Variants in CNST observed in about 807,000 individuals in gnomAD.
CNST encodes consortin.
Under a neutral mutation model 72.4 loss-of-function variants are expected in CNST, and 39 were observed. That is an observed-to-expected ratio of 0.54 (90% CI 0.42 to 0.70). The LOEUF (loss-of-function observed/expected upper bound fraction) is 0.70, where lower values mean the gene tolerates loss of function less well. Among genes scored for constraint, CNST ranks in the 30% least tolerant of loss-of-function variants. The pLI is 0.00. For synonymous variants in CNST, 332 were observed against 320.1 expected, an observed-to-expected ratio of 1.04 and a Z score of -0.40; for missense variants, 871 against 868.5, an observed-to-expected ratio of 1.00 and a Z score of -0.04.
At chr1:246,610,742 C>T (rs1663261342) in intron 2 of CNST, among the ~76,000 whole-genome samples, 4 of 152,094 alleles carry the variant, frequency 2.6e-5, no homozygotes, top group African/African-American at 9.7e-5. Context: ...GCCTTCACTT[C>T]TGCTTGCACT....
At chr1:246,586,451 C>T (rs907388442) in intron 1 of CNST, among the ~76,000 whole-genome samples, 34 of 147,834 alleles carry the variant, frequency 2.3e-4, no homozygotes, top group Non-Finnish European at 4.8e-4. Flanking sequence ...CAAGCTATAT[C>T]TTATGTATCT....
intron 8 of CNST, among the ~76,000 whole-genome samples, chr1:246,645,424 C>CTTTTTTTTTTTTT (rs1553384186): frequency 1.9e-5 from 2 of 106,102 alleles, no homozygotes; most frequent in African/African-American, 3.3e-5. Context: ...AAGGTTAAAA[C>CTTTTTTTTTTTTT]TTTTTTTTTT....
chr1:246,666,044 T>C lies in CNST; in HGVS notation c.*139T>C. The C allele has an allele frequency of 1.6e-6, 1 of 624,234 alleles. No homozygotes were observed. The highest frequency in any genetic ancestry group is 2.0e-5 in the South Asian group (1 of 49,874). 38.7% of individuals were successfully genotyped at this position (624,234 alleles called of 1,614,324 possible). ...GGACATCAGAAATAGCAACTTTAAG[T>C]GGCAAGCCGGAGGAACTCTGTTAGA... On this transcript the variant is annotated 3_prime_UTR_variant, in exon 11 of 11. Coordinates refer to ENST00000366513, the MANE Select transcript of CNST (RefSeq NM_152609.3).
intron 2 of CNST, among the ~76,000 whole-genome samples, chr1:246,611,841 A>G (rs1663335656): frequency 6.6e-6 from 1 of 152,234 alleles, no homozygotes; most frequent in Admixed American, 6.5e-5. Flanking sequence ...ATGTCCATCA[A>G]CTGATGAATG....
chr1:246,593,511 T>C (rs1457921145), intron 2 of CNST, among the ~76,000 whole-genome samples: 2 of 152,008 alleles, frequency 1.3e-5, no homozygotes, highest in Non-Finnish European at 2.9e-5. Context: ...CAGCTAATTT[T>C]TTTTGTATTT....
chr1:246,603,526 C>T (rs1342867989), intron 2 of CNST, among the ~76,000 whole-genome samples: 5 of 151,992 alleles, frequency 3.3e-5, no homozygotes, highest in Admixed American at 1.3e-4. Flanking sequence ...AAGTTATATG[C>T]GCCTGCCGCT....
At chr1:246,626,239 C>T (rs1227052762) in intron 3 of CNST, among the ~76,000 whole-genome samples, 3 of 151,716 alleles carry the variant, frequency 2.0e-5, no homozygotes, top group East Asian at 1.9e-4. Flanking sequence ...TTTGTAGAGA[C>T]GGGGTTTCAC....
intron 1 of CNST, chr1:246,569,874 A>C (rs940846726): frequency 2.0e-5 from 18 of 897,502 alleles, no homozygotes; most frequent in Non-Finnish European, 2.3e-5. Context: ...AAGGCACAGT[A>C]TGAGTTTCTG....
intron 2 of CNST, among the ~76,000 whole-genome samples, chr1:246,595,226 G>A (rs1169921582): frequency 6.6e-6 from 1 of 152,076 alleles, no homozygotes; most frequent in Non-Finnish European, 1.5e-5. Flanking sequence ...TTCTAGATGT[G>A]GAAGAGACCT....
At position 246,621,853 on chromosome 1, in the gene CNST, G is replaced by A. The variant is rs570470980; in HGVS notation, c.585+219G>A. On this transcript the variant is annotated intron_variant, in intron 3 of 10. Coordinates refer to ENST00000366513, the MANE Select transcript of CNST (RefSeq NM_152609.3). ...CTACAAAATATACAAAAATTAGCCG[G>A]GCATGGTGGTGCACACCTGTAGTCC... 2.0e-5 allele frequency among the ~76,000 whole-genome samples: 3 copies of A among 152,102 alleles called. No homozygotes were observed. The South Asian group carries it at 6.2e-4, about 32-fold the overall frequency.
intron 1 of CNST, among the ~76,000 whole-genome samples, chr1:246,570,954 C>G (rs949223406): frequency 1.3e-5 from 2 of 152,016 alleles, no homozygotes; most frequent in Non-Finnish European, 2.9e-5. Context: ...TGTAACCTTT[C>G]CAGTTTAGGG....
At chr1:246,649,925 A>G (rs963878747) in intron 9 of CNST, among the ~76,000 whole-genome samples, 2 of 151,348 alleles carry the variant, frequency 1.3e-5, no homozygotes, top group Non-Finnish European at 2.9e-5. Flanking sequence ...AAGATGCACA[A>G]GGGTCTTGTC....
At chr1:246,662,732 A>G (rs1049655695) in intron 10 of CNST, among the ~76,000 whole-genome samples, 1 of 152,210 alleles carries the variant, frequency 6.6e-6, no homozygotes, top group African/African-American at 2.4e-5. Context: ...GTACATAAAA[A>G]TTATTTCAAA....
intron 3 of CNST, among the ~76,000 whole-genome samples, chr1:246,622,353 G>C (rs1031175529): frequency 1.3e-5 from 2 of 152,230 alleles, no homozygotes; most frequent in African/African-American, 4.8e-5. Flanking sequence ...TTCAGTGTTA[G>C]AGTAAACATA....
chr1:246,610,927 G>A (rs750234471), intron 2 of CNST, among the ~76,000 whole-genome samples: 19 of 152,122 alleles, frequency 1.2e-4, no homozygotes, highest in African/African-American at 2.4e-4. Flanking sequence ...TGCCTCAACC[G>A]TATTTTTTTT....
chr1:246,621,690 G>A (rs1664102735), intron 3 of CNST, 56 bp downstream of exon 3: 3 of 1,437,054 alleles, frequency 2.1e-6, no homozygotes, highest in South Asian at 2.3e-5. Context: ...AGCAGTGTTT[G>A]GAATGATCTA....
chr1:246,595,288 T>C (rs965702013), intron 2 of CNST, among the ~76,000 whole-genome samples: 2 of 152,214 alleles, frequency 1.3e-5, no homozygotes, highest in Non-Finnish European at 2.9e-5. Context: ...CAGAGTTTAG[T>C]TGCTGGGACC....
At chr1:246,606,121 A>T (rs28481535) in intron 2 of CNST, 44 of 152,490 alleles carry the variant, frequency 2.9e-4, no homozygotes, top group African/African-American at 8.7e-4. Context: ...TTCTTGAGAG[A>T]CGGGTTGGTA....
chr1:246,634,956 C>CGTGTCGTCCGGCCGGGGTAG (rs1553381622), intron 6 of CNST, among the ~76,000 whole-genome samples: 1 of 115,924 alleles, frequency 8.6e-6, no homozygotes. Flanking sequence ...CTCGGTGGTG[C>CGTGTCGTCCGGCCGGGGTAG]GTGTCTTCCG....
Sources: allele counts gnomAD v4.1 joint callset (sites outside exome capture counted in the v4.1 genomes callset), GRCh38; gene constraint gnomAD v4.1.1; transcripts MANE v1.5; gene names NCBI Gene and HGNC (gene_info 2026-07-23, HGNC 2026-07-21).